Variants in NUP88 observed in about 807,000 individuals in gnomAD.
NUP88 encodes nuclear pore complex protein Nup88.
Under a neutral mutation model 93.9 loss-of-function variants are expected in NUP88, and 57 were observed. That is an observed-to-expected ratio of 0.61 (90% CI 0.49 to 0.76). The LOEUF is 0.76. Ranked by LOEUF, NUP88 falls within the 30% of genes least tolerant of loss-of-function variation. NUP88 has a pLI of 0.00. For synonymous variants in NUP88, 346 were observed against 336.8 expected (o/e 1.03, Z -0.30); for missense variants, 911 against 901.0 (o/e 1.01, Z -0.14).
intron 4 of NUP88, among the ~76,000 whole-genome samples, 197 bp from the exon 5 acceptor site, chr17:5,409,106 G>C (rs1473852284): frequency 6.6e-6 from 1 of 152,218 alleles, no homozygotes; most frequent in African/African-American, 2.4e-5. Flanking sequence ...GGGTGCAGTG[G>C]CTCATGCCTG....
chr17:5,405,504 G>T (rs1413403668), intron 5 of NUP88, among the ~76,000 whole-genome samples: 5 of 152,318 alleles, frequency 3.3e-5, no homozygotes, highest in Admixed American at 3.3e-4. Flanking sequence ...CAATGTGGGG[G>T]GAGGTATTAG....
chr17:5,400,139 T>TAAAAA lies in NUP88; in HGVS notation c.1193-490_1193-489insTTTTT, dbSNP rs199804588. On this transcript the variant is annotated intron_variant, in intron 7 of 16. Coordinates refer to ENST00000573584, the MANE Select transcript of NUP88 (RefSeq NM_002532.6). ...GCAGGGTTGCCACATCTTTCATTTGTTAAAAAAAAAAAAAAAAAGCACTGT... is the reference window on the plus strand; with the variant it reads ...GCAGGGTTGCCACATCTTTCATTTGTAAAAATAAAAAAAAAAAAAAAAAGCACTGT... 2.5e-4 allele frequency among the ~76,000 whole-genome samples: 28 copies of TAAAAA among 111,638 alleles called. 3 individuals are homozygous for TAAAAA. Among genetic ancestry groups the TAAAAA allele is most frequent in the East Asian group, 3.9e-4 (1 of 2,532 alleles). 73.2% of individuals were successfully genotyped at this position (111,638 alleles called of 152,430 possible).
chr17:5,408,630 A>T lies in NUP88; in HGVS notation c.857+103T>A, dbSNP rs1913636768. 8 of 859,484 alleles carry T rather than the reference A, an allele frequency of 9.3e-6. No individual in the cohort carries two copies. In the South Asian group the frequency reaches 1.4e-4, roughly 15 times the overall value. The allele number at this position is 859,484 out of a possible 1,614,324, so 53.2% of individuals were successfully genotyped here. A position where few individuals can be genotyped will look rare whatever the true frequency, so the allele number is the denominator to read the frequency against. On this transcript the variant is annotated intron_variant, in intron 5 of 16. Coordinates refer to ENST00000573584, the MANE Select transcript of NUP88 (RefSeq NM_002532.6). ...AAGCCAAGCATGTGAAGGCTGCAAC[A>T]TTTCCACAGACTCAAAAACATGGCT... is the stretch of plus-strand genomic sequence containing the variant.
chr17:5,394,821 G>A, intron 9 of NUP88, 70 bp downstream of exon 9: 2 of 1,034,732 alleles, frequency 1.9e-6, no homozygotes, highest in South Asian at 2.6e-5. Flanking sequence ...GAGTGTAACG[G>A]ATACAAACGT....
intron 5 of NUP88, among the ~76,000 whole-genome samples, chr17:5,406,328 C>G (rs763420357): frequency 6.6e-6 from 1 of 152,124 alleles, no homozygotes; most frequent in Non-Finnish European, 1.5e-5. Context: ...GAACTAAGAA[C>G]AAGAAAACTT....
At chr17:5,402,105 G>A (rs1280978772) in intron 7 of NUP88, among the ~76,000 whole-genome samples, 2 of 152,034 alleles carry the variant, frequency 1.3e-5, no homozygotes, top group Non-Finnish European at 2.9e-5. Flanking sequence ...TAAGGAGTTC[G>A]AGACCAGCCT....
intron 8 of NUP88, among the ~76,000 whole-genome samples, chr17:5,399,190 CT>C (rs536801907): frequency 0.017 from 2,061 of 123,424 alleles, 47 homozygotes; most frequent in African/African-American, 0.054. Context: ...CGCACCCGGC[CT>C]TTTTTTTTTT....
chr17:5,413,723 A>G (rs1021484600), intron 3 of NUP88, among the ~76,000 whole-genome samples: 5 of 152,230 alleles, frequency 3.3e-5, no homozygotes, highest in Admixed American at 2.6e-4. Flanking sequence ...TTTATGCTAC[A>G]TTATTACCAA....
At chr17:5,413,563 G>A (rs1396664877) in intron 3 of NUP88, among the ~76,000 whole-genome samples, 3 of 152,188 alleles carry the variant, frequency 2.0e-5, no homozygotes, top group African/African-American at 7.2e-5. Flanking sequence ...CTTGGAAGGG[G>A]CGTTAGAAAC....
chr17:5,401,114 T>G (rs1218652607), intron 7 of NUP88, among the ~76,000 whole-genome samples: 1 of 152,156 alleles, frequency 6.6e-6, no homozygotes, highest in Non-Finnish European at 1.5e-5. Flanking sequence ...CCGGGTGTGG[T>G]GGCTCACGCC....
At chr17:5,412,922 G>T (rs187495331) in intron 3 of NUP88, among the ~76,000 whole-genome samples, 8 of 152,192 alleles carry the variant, frequency 5.3e-5, no homozygotes, top group Non-Finnish European at 1.2e-4. Context: ...CAGGAAGAGT[G>T]AAAGAGCAGA....
chr17:5,416,180 T>C (rs201638110), intron 2 of NUP88, among the ~76,000 whole-genome samples: 35 of 107,334 alleles, frequency 3.3e-4, no homozygotes, highest in African/African-American at 8.3e-4. Context: ...TATATATATA[T>C]ACACACATAC....
rs1373272711 is a variant in NUP88 at position 5,388,850 on chromosome 17, T to C, written c.1595A>G (p.His532Arg). Residue 532 changes from histidine to arginine, a missense_variant, in exon 11 of 17, where the codon CAT becomes CGT. Coordinates refer to ENST00000573584, the MANE Select transcript of NUP88 (RefSeq NM_002532.6). ...ACTACGTTGCAAAATGCTTCTAATA[T>C]GCTTTTCAAAGGAATCTGGGGTTTC... ...LAETPDSFEK[H>R]IRSILQRSVA... 3.7e-6 allele frequency: 6 copies of C among 1,614,028 alleles called. No individual in the cohort carries two copies. Among genetic ancestry groups the C allele is most frequent in the Non-Finnish European group, 5.1e-6 (6 of 1,180,006 alleles).
At chr17:5,404,413 G>C (rs1913362579) in intron 6 of NUP88, among the ~76,000 whole-genome samples, 167 bp from the exon 7 acceptor site, 1 of 152,152 alleles carries the variant, frequency 6.6e-6, no homozygotes, top group South Asian at 2.1e-4. Flanking sequence ...AGGAGTTCGA[G>C]ACCAGCCTGG....
intron 1 of NUP88, among the ~76,000 whole-genome samples, chr17:5,417,407 C>T (rs1914215728): frequency 1.3e-5 from 2 of 152,160 alleles, no homozygotes; most frequent in Non-Finnish European, 2.9e-5. Flanking sequence ...AGTAGAGGCT[C>T]CAATGAGCCG....
At chr17:5,397,731 A>G (rs931324100) in intron 8 of NUP88, among the ~76,000 whole-genome samples, 7 of 152,144 alleles carry the variant, frequency 4.6e-5, no homozygotes, top group Non-Finnish European at 8.8e-5. Context: ...TCTTTTTACC[A>G]TTAAGCATTG....
intron 9 of NUP88, 93 bp from the exon 10 acceptor site, chr17:5,391,755 G>A: frequency 9.9e-7 from 1 of 1,009,136 alleles, no homozygotes; most frequent in Admixed American, 1.9e-5. Flanking sequence ...TCTCAGGCCT[G>A]GGCTGAAGTT....
chr17:5,395,053 G>C, intron 8 of NUP88, 72 bp from the exon 9 acceptor site: 1 of 935,008 alleles, frequency 1.1e-6, no homozygotes. Flanking sequence ...TAATGATATT[G>C]GGTTAAATGC....
chr17:5,389,014 C>A, intron 10 of NUP88, 54 bp from the exon 11 acceptor site: 1 of 1,339,658 alleles, frequency 7.5e-7, no homozygotes, highest in South Asian at 1.4e-5. Flanking sequence ...TACTGTATTA[C>A]AGGAAAGCAG....
Sources: allele counts gnomAD v4.1 joint callset (sites outside exome capture counted in the v4.1 genomes callset), GRCh38; gene constraint gnomAD v4.1.1; transcripts MANE v1.5; gene names NCBI Gene and HGNC (gene_info 2026-07-23, HGNC 2026-07-21).